Variants in TLDC2 observed in about 807,000 individuals in gnomAD.
TLDC2 encodes the protein TBC/LysM-associated domain containing 2.
TLDC2 carries 23 observed loss-of-function variants against 27.9 expected under a neutral mutation model. The ratio of observed to expected loss-of-function variants is 0.82; its 90% CI spans 0.59 to 1.17. The LOEUF is 1.17. Ranked by LOEUF, TLDC2 falls within the 50% of genes most tolerant of loss-of-function variation. The pLI, the probability that TLDC2 is intolerant of heterozygous loss-of-function variation, is 0.00. For synonymous variants in TLDC2, 124 were observed against 107.4 expected (o/e 1.16, Z -0.96); for missense variants, 286 against 273.4 (o/e 1.05, Z -0.32).
Position 36,876,178 on chromosome 20 carries a change from A to G in TLDC2, c.4A>G (p.Arg2Gly), listed in dbSNP as rs1989661854. 3.1e-6 allele frequency: 5 copies of G among 1,614,030 alleles called. No individual in the cohort carries two copies. Among genetic ancestry groups the G allele is most frequent in the Non-Finnish European group, 4.2e-6 (5 of 1,180,014 alleles). Residue 2 changes from arginine (R) to glycine (G), a missense_variant, in exon 1 of 7, where the codon AGA becomes GGA. Physicochemically the swap from Arg to Gly is moderately radical, Grantham distance 125. Transcript: ENST00000217320. ...CCGGCTGAGCAGGGACAGGAGAATG[A>G]GAGGCCTCCGCTGGCGTTACACTCG... The part of the protein sequence containing the change: M[R>G]GLRWRYTRLP...
In TLDC2 at chr20:36,892,873, T is replaced by C. The variant is rs773828572; in HGVS notation, c.*29T>C. Reference sequence around the variant, plus strand: ...TCATTAATTTGCAGAATTCTATGATTGAAGCCTCTAAATGAATTGTGCAGG... The same window carrying C: ...TCATTAATTTGCAGAATTCTATGATCGAAGCCTCTAAATGAATTGTGCAGG... On this transcript the variant is annotated 3_prime_UTR_variant, in exon 7 of 7. Coordinates refer to ENST00000217320, the MANE Select transcript of TLDC2 (RefSeq NM_080628.3). 1.1e-5 allele frequency: 17 copies of C among 1,601,570 alleles called. No individual in the cohort carries two copies. The highest frequency in any genetic ancestry group is 1.4e-5 in the Non-Finnish European group (16 of 1,168,610).
chr20:36,884,016 C>G (rs767395802), intron 4 of TLDC2, among the ~76,000 whole-genome samples: 10 of 152,134 alleles, frequency 6.6e-5, no homozygotes, highest in Admixed American at 2.0e-4. Flanking sequence ...ATCTCTTGAA[C>G]CCGGGAGGTG....
At chr20:36,886,983 G>C (rs1989934394) in intron 4 of TLDC2, among the ~76,000 whole-genome samples, 2 of 152,094 alleles carry the variant, frequency 1.3e-5, no homozygotes, top group Admixed American at 1.3e-4. Context: ...GGACCAGCTG[G>C]GAGGCTGTGA....
At chr20:36,889,535 C>T in intron 6 of TLDC2, 132 bp downstream of exon 6, 1 of 1,137,978 alleles carries the variant, frequency 8.8e-7, no homozygotes, top group Non-Finnish European at 1.2e-6. Flanking sequence ...GCCTGGGGAC[C>T]CAAGATACAG....
chr20:36,878,318 C>T (rs550525050), intron 2 of TLDC2, among the ~76,000 whole-genome samples: 9 of 152,268 alleles, frequency 5.9e-5, no homozygotes, highest in South Asian at 2.1e-4. Flanking sequence ...CGGTGGCTCA[C>T]GCCTGTAATC....
At chr20:36,883,540 C>G (rs1422916067) in intron 4 of TLDC2, among the ~76,000 whole-genome samples, 1 of 152,198 alleles carries the variant, frequency 6.6e-6, no homozygotes, top group East Asian at 1.9e-4. Context: ...TGAATGGCAT[C>G]TCCATCTCCC....
intron 5 of TLDC2, among the ~76,000 whole-genome samples, chr20:36,888,271 G>A (rs6016657): frequency 7.9e-5 from 12 of 151,770 alleles, no homozygotes; most frequent in African/African-American, 2.4e-4. Context: ...TCGCTCTGTC[G>A]CCCAGGCTGG....
intron 4 of TLDC2, among the ~76,000 whole-genome samples, chr20:36,881,258 T>C (rs1989808476): frequency 6.6e-6 from 1 of 152,020 alleles, no homozygotes; most frequent in Non-Finnish European, 1.5e-5. Flanking sequence ...AGTACACCTG[T>C]AGTCCCAGCT....
intron 3 of TLDC2, among the ~76,000 whole-genome samples, chr20:36,880,081 A>ATATATATG (rs1989775228): frequency 9.5e-5 from 4 of 42,020 alleles, no homozygotes; most frequent in African/African-American, 1.8e-4. Context: ...ATATATATAT[A>ATATATATG]TATATATATA....
At chr20:36,880,553 G>C (rs1389996557) in intron 3 of TLDC2, 102 bp from the exon 4 acceptor site, 1 of 914,674 alleles carries the variant, frequency 1.1e-6, no homozygotes, top group Admixed American at 2.3e-5. Context: ...AGCTTCCCAG[G>C]TGTCCTCTAG....
At chr20:36,891,185 C>T (rs1455443281) in intron 6 of TLDC2, 1 of 152,228 alleles carries the variant, frequency 6.6e-6, no homozygotes, top group African/African-American at 2.4e-5. Context: ...TTTAACTATT[C>T]TCTTATGAAT....
chr20:36,879,943 C>T (rs941535491), intron 3 of TLDC2, among the ~76,000 whole-genome samples: 2 of 149,636 alleles, frequency 1.3e-5, no homozygotes, highest in African/African-American at 4.9e-5. Context: ...AGGAAACATA[C>T]CAAAATATTA....
intron 4 of TLDC2, among the ~76,000 whole-genome samples, chr20:36,881,820 A>G (rs955026128): frequency 2.6e-5 from 4 of 152,212 alleles, no homozygotes; most frequent in African/African-American, 9.6e-5. Context: ...GAGCAGTGAC[A>G]GCAGTTGGAC....
intron 4 of TLDC2, among the ~76,000 whole-genome samples, chr20:36,886,025 G>A (rs527835462): frequency 3.9e-4 from 59 of 152,306 alleles, no homozygotes; most frequent in African/African-American, 1.4e-3. Context: ...GGGTGTTCCA[G>A]GGATGGAAAG....
rs114640106 is a variant in TLDC2, at chr20:36,893,621, G to A, written c.*777G>A. 2.1e-3 allele frequency: 748 copies of A among 355,210 alleles called. 3 individuals are homozygous for A. The highest frequency in any genetic ancestry group is 0.013 in the African/African-American group (595 of 47,530). The allele number at this position is 355,210 out of a possible 1,614,324, so 22.0% of individuals were successfully genotyped here. ...ATCCAAAGGGAGGCGATACAATGAC[G>A]TGAAACCATAGAGGTAAGAAGCAAG... On this transcript the variant is annotated 3_prime_UTR_variant, in exon 7 of 7. Transcript: ENST00000217320.
chr20:36,876,299 G>C (rs996410385), intron 1 of TLDC2, 92 bp downstream of exon 1: 3 of 1,546,372 alleles, frequency 1.9e-6, no homozygotes, highest in Non-Finnish European at 1.8e-6. Flanking sequence ...GGTTGGATGC[G>C]GGCAGTGACT....
At position 36,880,768 on chromosome 20, in the gene TLDC2, C is replaced by T; in HGVS notation, c.438+18C>T. 6.2e-7 allele frequency: 1 copy of T among 1,611,092 alleles called. No homozygotes were observed. The highest frequency in any genetic ancestry group is 1.1e-5 in the South Asian group (1 of 91,002). ...AGCTGAAGGTGATGTTCCCAACCTT[C>T]CATGGGGGGAGTGGGGCGTGTGGCG... On this transcript the variant is annotated intron_variant, in intron 4 of 6. Transcript: ENST00000217320.
chr20:36,879,773 G>GT (rs964395108), intron 3 of TLDC2, among the ~76,000 whole-genome samples: 18 of 151,738 alleles, frequency 1.2e-4, no homozygotes, highest in Non-Finnish European at 2.1e-4. Context: ...GGCCAGGGGT[G>GT]TTGCAGGGTA....
rs1283466683 is a variant in TLDC2 at position 36,894,161 on chromosome 20, C to A, written c.*1317C>A. 1 of 389,808 alleles carries A rather than the reference C, an allele frequency of 2.6e-6. No homozygotes were observed. Among genetic ancestry groups the A allele is most frequent in the African/African-American group, 2.1e-5 (1 of 48,408 alleles). 24.1% of individuals were successfully genotyped at this position (389,808 alleles called of 1,614,324 possible). ...CTCTGCCAAAACTTTTGTATCTCAC[C>A]CCCATGTTAAATTTTTTCTGTTGAA... On this transcript the variant is annotated 3_prime_UTR_variant, in exon 7 of 7. Transcript: ENST00000217320.
Sources: allele counts gnomAD v4.1 joint callset (sites outside exome capture counted in the v4.1 genomes callset), GRCh38; gene constraint gnomAD v4.1.1; transcripts MANE v1.5; gene names NCBI Gene and HGNC (gene_info 2026-07-23, HGNC 2026-07-21).